The following EIF3M variants were observed in gnomAD, a reference collection of about 807,000 sequenced individuals.
EIF3M encodes eukaryotic translation initiation factor 3 subunit M, also known as B5 receptor.
EIF3M carries 25 observed loss-of-function variants against 49.7 expected under a neutral mutation model. The observed-to-expected ratio is 0.50, with a 90% CI of 0.37 to 0.70. The LOEUF (loss-of-function observed/expected upper bound fraction) is 0.70, where lower values mean the gene tolerates loss of function less well. Ranked by LOEUF, EIF3M falls within the 30% of genes least tolerant of loss-of-function variation. The pLI is 0.00. For missense variants in EIF3M, 350 were observed against 440.0 expected (o/e 0.80, Z 1.83); for synonymous variants, 156 against 149.8 (o/e 1.04, Z -0.30).
chr11:32,601,543 GTATTTATTTAA>G (rs1855265321), intron 9 of EIF3M: 1 of 358,136 alleles, frequency 2.8e-6, no homozygotes, highest in South Asian at 8.5e-5. Flanking sequence ...ACTGTATGCA[GTATTTATTTAA>G]TATAGATTGT....
At chr11:32,592,130 T>C (rs1855112342) in intron 5 of EIF3M, 1 of 341,720 alleles carries the variant, frequency 2.9e-6, no homozygotes, top group Non-Finnish European at 5.6e-6. Context: ...CCCAGCACCA[T>C]ATCCTCCTCT....
At chr11:32,584,910 ATTCTTT>A (rs1854971292) in intron 1 of EIF3M, among the ~76,000 whole-genome samples, 1 of 152,230 alleles carries the variant, frequency 6.6e-6, no homozygotes, top group Admixed American at 6.5e-5. Context: ...ACGACATCGT[ATTCTTT>A]AAGTTAATTT....
chr11:32,584,607 CAAAAA>C (rs796738414), intron 1 of EIF3M, among the ~76,000 whole-genome samples: 8 of 62,310 alleles, frequency 1.3e-4, no homozygotes, highest in African/African-American at 1.8e-4. Flanking sequence ...GAGTCCCTCT[CAAAAA>C]AAAAAAAAAA....
At chr11:32,592,313 C>A in intron 5 of EIF3M, 2 of 537,596 alleles carry the variant, frequency 3.7e-6, no homozygotes, top group South Asian at 3.0e-5. Flanking sequence ...TTATCATGAT[C>A]ATCAAAAGTT....
chr11:32,590,268 A>T (rs182418116), intron 5 of EIF3M, among the ~76,000 whole-genome samples: 1 of 152,250 alleles, frequency 6.6e-6, no homozygotes, highest in Non-Finnish European at 1.5e-5. Context: ...TATTACATCC[A>T]TGCCTATTCA....
chr11:32,584,015 G>T, intron 1 of EIF3M, 86 bp downstream of exon 1: 2 of 1,558,042 alleles, frequency 1.3e-6, no homozygotes, highest in South Asian at 2.3e-5. Flanking sequence ...TGGGCCGGGC[G>T]GCCGGGGCTG....
Position 32,603,067 on chromosome 11 carries a change from A to AT in EIF3M, c.*672dup, listed in dbSNP as rs772339957. On this transcript the variant is annotated 3_prime_UTR_variant, in exon 11 of 11. Coordinates refer to ENST00000531120, the MANE Select transcript of EIF3M (RefSeq NM_006360.6). The stretch of plus-strand genomic sequence containing the variant: ...TACCTTCGAAATTATTATACAAAAG[A>AT]TTTTAAAGAGTCTGTAAAGCCTCTG... 6.8e-7 allele frequency: 1 copy of AT among 1,467,482 alleles called. No individual in the cohort carries two copies. The highest frequency in any genetic ancestry group is 2.3e-5 in the East Asian group (1 of 44,264). The allele number at this position is 1,467,482 out of a possible 1,614,324, so 90.9% of individuals were successfully genotyped here. A position where few individuals can be genotyped will look rare whatever the true frequency, so the allele number is the denominator to read the frequency against.
In EIF3M at chr11:32,603,059, T is replaced by C. The variant is rs1855297410; in HGVS notation, c.*660T>C. 2 of 1,495,568 alleles carry C rather than the reference T, an allele frequency of 1.3e-6. No individual in the cohort carries two copies. The highest frequency in any genetic ancestry group is 1.4e-5 in the African/African-American group (1 of 70,884). 92.6% of individuals were successfully genotyped at this position (1,495,568 alleles called of 1,614,324 possible). A position where few individuals can be genotyped will look rare whatever the true frequency, so the allele number is the denominator to read the frequency against. On this transcript the variant is annotated 3_prime_UTR_variant, in exon 11 of 11. Transcript: ENST00000531120. ...ACTAATTTTACCTTCGAAATTATTA[T>C]ACAAAAGATTTTAAAGAGTCTGTAA...
At chr11:32,591,292 C>T (rs978000062) in intron 5 of EIF3M, among the ~76,000 whole-genome samples, 1 of 152,194 alleles carries the variant, frequency 6.6e-6, no homozygotes, top group Non-Finnish European at 1.5e-5. Flanking sequence ...AAATGACTTG[C>T]ACCTGTGCTT....
chr11:32,589,198 C>T (rs527363716), intron 4 of EIF3M, 63 bp downstream of exon 4: 46 of 1,570,302 alleles, frequency 2.9e-5, no homozygotes, highest in South Asian at 5.8e-5. Context: ...TTTTTTGAGA[C>T]GGAGTTTCAC....
intron 8 of EIF3M, among the ~76,000 whole-genome samples, chr11:32,596,634 A>G (rs2133201422): frequency 6.6e-6 from 1 of 151,280 alleles, no homozygotes; most frequent in Non-Finnish European, 1.5e-5. Context: ...AGAAAAGAAA[A>G]CAACTTAGCA....
In EIF3M at chr11:32,596,025, T is replaced by C; in HGVS notation, c.777T>C (p.Asn259=). The C allele has an allele frequency of 6.4e-7, 1 of 1,556,336 alleles. No homozygotes were observed. The highest frequency in any genetic ancestry group is 2.4e-5 in the East Asian group (1 of 42,504). Reference sequence around the variant, plus strand: ...CATATGTCAAGTTTTATCAGAATAATAAAGACTTCATTGATTCACTTGGTA... The same window carrying C: ...CATATGTCAAGTTTTATCAGAATAACAAAGACTTCATTGATTCACTTGGTA... ...LASYVKFYQN[N]KDFIDSLGLL... The change falls in exon 8 of 11, where the codon AAT becomes AAC. Residue 259 remains asparagine, a synonymous_variant. Coordinates refer to ENST00000531120, the MANE Select transcript of EIF3M (RefSeq NM_006360.6).
intron 5 of EIF3M, 111 bp downstream of exon 5, chr11:32,589,752 G>C (rs927358903): frequency 4.1e-6 from 3 of 737,698 alleles, no homozygotes; most frequent in Non-Finnish European, 6.5e-6. Context: ...GTTCTCCACA[G>C]AGTTGCTATA....
intron 5 of EIF3M, 28 bp downstream of exon 5, chr11:32,589,669 C>T (rs756435860): frequency 6.3e-7 from 1 of 1,591,536 alleles, no homozygotes; most frequent in South Asian, 1.1e-5. Context: ...ACTAACATAT[C>T]ACTTAACAGA....
At position 32,600,592 on chromosome 11, in the gene EIF3M, A is replaced by G. The variant is rs548110979; in HGVS notation, c.800-97A>G. The G allele has an allele frequency of 3.6e-5, 48 of 1,334,922 alleles. No individual in the cohort carries two copies. The African/African-American group carries it at 5.6e-4, about 16-fold the overall frequency. 82.7% of individuals were successfully genotyped at this position (1,334,922 alleles called of 1,614,324 possible). A position where few individuals can be genotyped will look rare whatever the true frequency, so the allele number is the denominator to read the frequency against. On this transcript the variant is annotated intron_variant, in intron 8 of 10. Coordinates refer to ENST00000531120, the MANE Select transcript of EIF3M (RefSeq NM_006360.6). ...TCAAACAATAATTTCCACAATTACA[A>G]AAGTAAAAATAATTTCCACAGCTTA...
chr11:32,597,862 G>A (rs976115303), intron 8 of EIF3M, among the ~76,000 whole-genome samples: 14 of 152,048 alleles, frequency 9.2e-5, no homozygotes, highest in African/African-American at 3.4e-4. Flanking sequence ...GGTTCTTGAC[G>A]ATACAGATGA....
chr11:32,584,224 C>T (rs944942624), intron 1 of EIF3M: 9 of 446,842 alleles, frequency 2.0e-5, no homozygotes, highest in Middle Eastern at 6.1e-4. Context: ...TGTCTGCTTC[C>T]GTCCGTCAAA....
intron 9 of EIF3M, 118 bp downstream of exon 9, chr11:32,600,950 T>A: frequency 7.5e-7 from 1 of 1,336,486 alleles, no homozygotes; most frequent in Non-Finnish European, 1.0e-6. Flanking sequence ...TTATAGCAGA[T>A]GTGTATTTAG....
intron 1 of EIF3M, among the ~76,000 whole-genome samples, chr11:32,584,550 G>T (rs932117688): frequency 1.5e-5 from 2 of 129,588 alleles, no homozygotes; most frequent in South Asian, 5.1e-4. Context: ...GGAGTTTGCA[G>T]TGAGCCAAGA....
Sources: allele counts gnomAD v4.1 joint callset (sites outside exome capture counted in the v4.1 genomes callset), GRCh38; gene constraint gnomAD v4.1.1; transcripts MANE v1.5; gene names NCBI Gene and HGNC (gene_info 2026-07-23, HGNC 2026-07-21).